Variants in PDE6C observed in about 807,000 individuals in gnomAD.
PDE6C encodes phosphodiesterase 6C.
A neutral mutation model predicts 113.1 loss-of-function variants in PDE6C; 75 were observed. The observed-to-expected ratio is 0.66, with a 90% CI of 0.55 to 0.80. The LOEUF (loss-of-function observed/expected upper bound fraction) is 0.80, where lower values mean the gene tolerates loss of function less well. Ranked by LOEUF, PDE6C falls within the 30% of genes least tolerant of loss-of-function variation. The pLI is 0.00. For missense variants in PDE6C, 912 were observed against 1,038.6 expected, an observed-to-expected ratio of 0.88 and a Z score of 1.67; for synonymous variants, 375 against 363.7, an observed-to-expected ratio of 1.03 and a Z score of -0.35.
chr10:93,638,841 T>C (rs1213265761), intron 11 of PDE6C, among the ~76,000 whole-genome samples: 1 of 152,172 alleles, frequency 6.6e-6, no homozygotes, highest in Non-Finnish European at 1.5e-5. Flanking sequence ...AACAGTTCTG[T>C]GCAAGAGTGT....
At chr10:93,659,746 G>T (rs1183822541) in intron 18 of PDE6C, among the ~76,000 whole-genome samples, 1 of 152,172 alleles carries the variant, frequency 6.6e-6, no homozygotes, top group Non-Finnish European at 1.5e-5. Flanking sequence ...CCCATGAATT[G>T]GGAATTATGG....
intron 1 of PDE6C, 25 bp downstream of exon 1, chr10:93,613,230 CAG>C: frequency 6.2e-7 from 1 of 1,613,150 alleles, no homozygotes; most frequent in Non-Finnish European, 8.5e-7. Flanking sequence ...GACAGTGGGG[CAG>C]AGGTCTTGGC....
At chr10:93,627,534 T>C (rs1003673417) in intron 7 of PDE6C, among the ~76,000 whole-genome samples, 2 of 152,098 alleles carry the variant, frequency 1.3e-5, no homozygotes, top group Non-Finnish European at 2.9e-5. Flanking sequence ...AGCATAAATA[T>C]GGGGGATGGG....
intron 15 of PDE6C, among the ~76,000 whole-genome samples, chr10:93,647,467 A>G (rs1253517949): frequency 1.3e-5 from 2 of 152,196 alleles, no homozygotes; most frequent in Non-Finnish European, 2.9e-5. Flanking sequence ...AAATGGAAAA[A>G]GAAGAAAACT....
chr10:93,662,393 G>A (rs921311067), intron 19 of PDE6C, among the ~76,000 whole-genome samples, 167 bp from the exon 20 acceptor site: 5 of 150,008 alleles, frequency 3.3e-5, no homozygotes, highest in African/African-American at 1.2e-4. Flanking sequence ...AACTCAGAAG[G>A]CGAAGGCTGC....
chr10:93,623,322 A>G (rs193215826), intron 4 of PDE6C, among the ~76,000 whole-genome samples: 22 of 152,242 alleles, frequency 1.4e-4, no homozygotes, highest in African/African-American at 5.3e-4. Context: ...TTTTCTTATC[A>G]TTCAATTGTA....
chr10:93,623,376 G>A (rs1443714047), intron 4 of PDE6C, among the ~76,000 whole-genome samples: 1 of 152,140 alleles, frequency 6.6e-6, no homozygotes, highest in African/African-American at 2.4e-5. Context: ...TACCAAATAT[G>A]TGATTTGCAA....
chr10:93,627,171 A>G (rs1053475989), intron 7 of PDE6C, among the ~76,000 whole-genome samples: 8 of 149,350 alleles, frequency 5.4e-5, no homozygotes, highest in Non-Finnish European at 1.2e-4. Flanking sequence ...CTGAGGCAAA[A>G]GAATTGCTTG....
At chr10:93,613,269 G>C in intron 1 of PDE6C, 64 bp downstream of exon 1, 2 of 1,599,658 alleles carry the variant, frequency 1.3e-6, no homozygotes, top group Non-Finnish European at 1.7e-6. Context: ...AAATGGGAAA[G>C]AGAGATAGTG....
At chr10:93,655,904 T>C in intron 16 of PDE6C, 44 bp downstream of exon 16, 1 of 957,668 alleles carries the variant, frequency 1.0e-6, no homozygotes, top group East Asian at 2.4e-5. Context: ...ATACTCTGTG[T>C]GGTTTTACCT....
intron 18 of PDE6C, among the ~76,000 whole-genome samples, chr10:93,660,125 A>G (rs2058659718): frequency 6.6e-6 from 1 of 152,178 alleles, no homozygotes; most frequent in Non-Finnish European, 1.5e-5. Context: ...TTTTAAAAAG[A>G]TAGAATAATT....
In PDE6C at chr10:93,635,399, G is replaced by A. The variant is rs1356545794; in HGVS notation, c.1270-98G>A. The A allele has an allele frequency of 8.8e-6, 8 of 904,442 alleles. No homozygotes were observed. The East Asian group carries it at 1.9e-4, about 22-fold the overall frequency. 56.0% of individuals were successfully genotyped at this position (904,442 alleles called of 1,614,324 possible). The stretch of plus-strand genomic sequence containing the variant: ...TAAAAGAAGGAATGGGGTGGTTGAT[G>A]ATGGAAGGGAGATGGATAGAAAAGC... On this transcript the variant is annotated intron_variant, in intron 9 of 21. Transcript: ENST00000371447.
intron 16 of PDE6C, among the ~76,000 whole-genome samples, chr10:93,658,228 A>AAAAG (rs1335332736): frequency 2.0e-5 from 3 of 149,612 alleles, no homozygotes; most frequent in African/African-American, 7.4e-5. Flanking sequence ...GAAAGAAAGA[A>AAAAG]AAAGAAAAAT....
chr10:93,631,345 G>A (rs142227835), intron 8 of PDE6C, among the ~76,000 whole-genome samples: 5 of 152,294 alleles, frequency 3.3e-5, no homozygotes, highest in South Asian at 4.1e-4. Flanking sequence ...GAGGCCACAC[G>A]CTCCACAGGC....
chr10:93,654,774 CTTTCTTTCTTTCTT>C (rs1387573533), intron 15 of PDE6C, among the ~76,000 whole-genome samples: 1,186 of 55,936 alleles, frequency 0.021, 39 homozygotes, highest in African/African-American at 0.059. Context: ...TTCTTTCTTT[CTTTCTTTCTTTCTT>C]TCTTTCTTTC....
At chr10:93,613,346 G>T (rs2058402276) in intron 1 of PDE6C, 141 bp downstream of exon 1, 4 of 1,192,846 alleles carry the variant, frequency 3.4e-6, no homozygotes, top group South Asian at 2.6e-5. Flanking sequence ...GGATCACCCA[G>T]GCCTAGTGTT....
At chr10:93,663,293 G>A (rs951085554) in intron 21 of PDE6C, 115 bp downstream of exon 21, 2 of 1,019,494 alleles carry the variant, frequency 2.0e-6, no homozygotes, top group Non-Finnish European at 3.0e-6. Context: ...CTTTACTGGT[G>A]CAGACTGATC....
At chr10:93,634,987 A>C in intron 9 of PDE6C, 80 bp downstream of exon 9, 3 of 1,484,200 alleles carry the variant, frequency 2.0e-6, no homozygotes, top group Non-Finnish European at 2.8e-6. Flanking sequence ...TTATTCTGGA[A>C]TGATATTTTG....
At position 93,620,685 on chromosome 10, in the gene PDE6C, C is replaced by T. The variant is rs2058441273; in HGVS notation, c.534C>T (p.Asn178=). Residue 178 remains asparagine (N), a synonymous_variant, in exon 2 of 22, where the codon AAC becomes AAT. Transcript: ENST00000371447. The stretch of plus-strand genomic sequence containing the variant: ...AGCAAACTGGGTATGTCACTAAGAA[C>T]CTGCTGGCAACCCCGATCGTGGTGG... ...MDKQTGYVTK[N]LLATPIVVGK... 1 of 1,614,008 alleles carries T rather than the reference C, an allele frequency of 6.2e-7. No individual in the cohort carries two copies. The highest frequency in any genetic ancestry group is 1.7e-5 in the Admixed American group (1 of 59,990).
Sources: gnomAD v4.1 joint callset for allele counts (sites outside exome capture counted in the v4.1 genomes callset) on GRCh38, gnomAD v4.1.1 for gene constraint, MANE v1.5 for transcripts, NCBI Gene and HGNC (gene_info 2026-07-23, HGNC 2026-07-21) for gene names.